TSPAN15: variants seen among roughly 807,000 people sequenced by gnomAD.
TSPAN15 encodes tetraspanin 15.
In TSPAN15, 20 loss-of-function variants were observed where a neutral mutation model predicts 34.5. The observed-to-expected ratio is 0.58, with a 90% confidence interval of 0.41 to 0.84. The LOEUF (loss-of-function observed/expected upper bound fraction) is 0.84, where lower values mean the gene tolerates loss of function less well. Ranked by LOEUF, TSPAN15 falls within the 40% of genes least tolerant of loss-of-function variation. TSPAN15 has a pLI of 0.00. For synonymous variants in TSPAN15, 155 were observed against 153.9 expected (o/e 1.01, Z -0.05); for missense variants, 313 against 386.1 (o/e 0.81, Z 1.59).
intron 1 of TSPAN15, among the ~76,000 whole-genome samples, chr10:69,474,028 T>C (rs1346861597): frequency 6.6e-6 from 1 of 152,196 alleles, no homozygotes; most frequent in African/African-American, 2.4e-5. Flanking sequence ...GCCTTAACAT[T>C]GCCCAAGTTG....
At chr10:69,545,175 C>T in the TSPAN15 span, among the ~76,000 whole-genome samples, 1 of 152,226 alleles carries the variant, frequency 6.6e-6, no homozygotes, top group Admixed American at 6.5e-5. Context: ...CTAGTCCTCA[C>T]TCCCCCTTTA....
At chr10:69,488,410 G>A (rs1841899984) in intron 3 of TSPAN15, among the ~76,000 whole-genome samples, 1 of 152,116 alleles carries the variant, frequency 6.6e-6, no homozygotes, top group African/African-American at 2.4e-5. Flanking sequence ...CTGATCAAGA[G>A]GATTTCTCTG....
chr10:69,509,669 C>T (rs989980036), downstream of TSPAN15, among the ~76,000 whole-genome samples: 4 of 152,082 alleles, frequency 2.6e-5, no homozygotes, highest in Admixed American at 2.6e-4. Context: ...ATGCCTATGT[C>T]CTGAATGGTA....
downstream of TSPAN15, among the ~76,000 whole-genome samples, chr10:69,512,252 C>T (rs1444932904): frequency 6.6e-6 from 1 of 152,166 alleles, no homozygotes; most frequent in South Asian, 2.1e-4. Context: ...TCCTTTCCCA[C>T]ACCATGACAC....
chr10:69,451,875 C>G (rs1452577727), intron 1 of TSPAN15, among the ~76,000 whole-genome samples, 185 bp downstream of exon 1: 1 of 152,236 alleles, frequency 6.6e-6, no homozygotes, highest in Admixed American at 6.5e-5. Flanking sequence ...TTCAGCCGCC[C>G]TTTCGGGAGT....
At chr10:69,524,167 C>T in the TSPAN15 span, among the ~76,000 whole-genome samples, 1,134 of 147,926 alleles carry the variant, frequency 7.7e-3, 87 homozygotes, top group African/African-American at 0.025. Context: ...TTAGTTATAG[C>T]GTATCCATAG....
At position 69,507,547 on chromosome 10, in the gene TSPAN15, T is replaced by G. The variant is rs1314719261; in HGVS notation, c.*569T>G. The G allele has an allele frequency of 7.7e-7, 1 of 1,304,372 alleles. No homozygotes were observed. Among genetic ancestry groups the G allele is most frequent in the South Asian group, 1.2e-5 (1 of 81,030 alleles). 80.8% of individuals were successfully genotyped at this position (1,304,372 alleles called of 1,614,324 possible). On this transcript the variant is annotated 3_prime_UTR_variant, in exon 8 of 8. Transcript: ENST00000373290. Reference sequence around the variant, plus strand: ...GTGATTTTTGTAACATTCATTTTTTTGTACAGATAACAGGAGTTTCTGACT... The same window carrying G: ...GTGATTTTTGTAACATTCATTTTTTGGTACAGATAACAGGAGTTTCTGACT...
At chr10:69,525,986 A>C in the TSPAN15 span, among the ~76,000 whole-genome samples, 1 of 147,480 alleles carries the variant, frequency 6.8e-6, no homozygotes, top group Non-Finnish European at 1.5e-5. Flanking sequence ...TATTGAAATA[A>C]ATAGAAAAGA....
Position 69,485,180 on chromosome 10 carries a change from A to G in TSPAN15, c.322A>G (p.Ile108Val), listed in dbSNP as rs1348583738. 5.0e-6 allele frequency: 8 copies of G among 1,613,846 alleles called. No homozygotes were observed. The South Asian group carries it at 8.8e-5, about 18-fold the overall frequency. Residue 108 changes from isoleucine (I) to valine (V), a missense_variant, in exon 3 of 8, where the codon ATT (isoleucine) becomes GTT (valine). Ile to Val is a conservative substitution (Grantham distance 29). Transcript: ENST00000373290. ...TGGGATCTGCCTCATCATGGAGCTC[A>G]TTGGTGGCGTGGTGGCCTTGACCTT... is the stretch of plus-strand genomic sequence containing the variant. ...ILGICLIMELIGGVVALTFRN... is the reference protein window; with the variant it reads ...ILGICLIMELVGGVVALTFRN...
chr10:69,498,366 G>A lies in TSPAN15; in HGVS notation c.540G>A (p.Gly180=), dbSNP rs1842131926. 6.2e-7 allele frequency: 1 copy of A among 1,613,944 alleles called. No homozygotes were observed. Among genetic ancestry groups the A allele is most frequent in the Non-Finnish European group, 8.5e-7 (1 of 1,179,960 alleles). Residue 180 remains glycine, a synonymous_variant, in exon 5 of 8, where the codon GGG becomes GGA. Coordinates refer to ENST00000373290, the MANE Select transcript of TSPAN15 (RefSeq NM_012339.5). ...DCSAPGPLAC[G]VPYTCCIRNT... Reference sequence around the variant, plus strand: ...GTGCCCCTGGACCCCTGGCCTGTGGGGTGCCCTACACCTGCTGCATCAGGA... The same window carrying A: ...GTGCCCCTGGACCCCTGGCCTGTGGAGTGCCCTACACCTGCTGCATCAGGA...
At chr10:69,492,287 C>T (rs10998835) in intron 3 of TSPAN15, among the ~76,000 whole-genome samples, 56,941 of 151,968 alleles carry the variant, frequency 0.37, 11,379 homozygotes, top group Non-Finnish European at 0.44. Flanking sequence ...CTGTCAACGG[C>T]GGCATAGCAC....
chr10:69,468,401 G>C (rs1841435038), intron 1 of TSPAN15, among the ~76,000 whole-genome samples: 1 of 152,158 alleles, frequency 6.6e-6, no homozygotes, highest in Non-Finnish European at 1.5e-5. Context: ...GCTTGGGGTA[G>C]GCTGGGGTAG....
At chr10:69,531,842 C>A in the TSPAN15 span, among the ~76,000 whole-genome samples, 8 of 151,542 alleles carry the variant, frequency 5.3e-5, no homozygotes, top group Admixed American at 5.3e-4. Flanking sequence ...AACTGGCATA[C>A]AAGGGACTTC....
At chr10:69,511,561 CTCTTA>C (rs989645043), downstream of TSPAN15, among the ~76,000 whole-genome samples, 4 of 152,084 alleles carry the variant, frequency 2.6e-5, no homozygotes, top group African/African-American at 4.8e-5. Flanking sequence ...GTTTTTGTGT[CTCTTA>C]TCTTCTTCAG....
chr10:69,506,151 G>T lies in TSPAN15; in HGVS notation c.646G>T (p.Val216Leu). Residue 216 changes from valine (V) to leucine (L), a missense_variant, in exon 7 of 8, where the codon GTG becomes TTG. Physicochemically the swap from Val to Leu is conservative, Grantham distance 32 (BLOSUM62 1). Coordinates refer to ENST00000373290, the MANE Select transcript of TSPAN15 (RefSeq NM_012339.5). The surrounding 1 kb of genome is among the most constrained non-coding windows in gnomAD (Gnocchi z 4.7). Reference protein sequence around the residue: ...ERFSVQDVIYVRGCTNAVIIW... With the variant: ...ERFSVQDVIYLRGCTNAVIIW... ...TTTCAGTGTGCAGGATGTCATCTACGTGCGGGGCTGCACCAACGCCGTGAT... is the reference window on the plus strand; with the variant it reads ...TTTCAGTGTGCAGGATGTCATCTACTTGCGGGGCTGCACCAACGCCGTGAT... 1 of 1,614,134 alleles carries T rather than the reference G, an allele frequency of 6.2e-7. No homozygotes were observed. The highest frequency in any genetic ancestry group is 1.1e-5 in the South Asian group (1 of 91,076).
the TSPAN15 span, among the ~76,000 whole-genome samples, chr10:69,525,311 A>T: frequency 6.8e-6 from 1 of 147,402 alleles, no homozygotes; most frequent in South Asian, 2.2e-4. Flanking sequence ...TGCATTTAAA[A>T]CTCTTCACTA....
rs1842352153 is a variant in TSPAN15, at chr10:69,507,252, A to G, written c.*274A>G. 5 of 1,368,468 alleles carry G rather than the reference A, an allele frequency of 3.7e-6. No individual in the cohort carries two copies. In the East Asian group the frequency reaches 9.2e-5, roughly 25 times the overall value. The allele number at this position is 1,368,468 out of a possible 1,614,324, so 84.8% of individuals were successfully genotyped here. A position where few individuals can be genotyped will look rare whatever the true frequency, so the allele number is the denominator to read the frequency against. On this transcript the variant is annotated 3_prime_UTR_variant, in exon 8 of 8. Coordinates refer to ENST00000373290, the MANE Select transcript of TSPAN15 (RefSeq NM_012339.5). ...GCCCTCCTTTCTCCAGGCCTGGGCT[A>G]CGGGGGAGGGAGAGCCTGAGGCTCT...
At chr10:69,492,551 T>G (rs1841991207) in intron 3 of TSPAN15, among the ~76,000 whole-genome samples, 1 of 152,170 alleles carries the variant, frequency 6.6e-6, no homozygotes, top group African/African-American at 2.4e-5. Flanking sequence ...AGGGCCCCCC[T>G]TCCCCCAACA....
rs1273502955 is a variant in TSPAN15, at chr10:69,507,618, C to T, written c.*640C>T. 7.7e-7 allele frequency: 1 copy of T among 1,299,772 alleles called. No homozygotes were observed. The highest frequency in any genetic ancestry group is 2.4e-5 in the Admixed American group (1 of 42,528). 80.5% of individuals were successfully genotyped at this position (1,299,772 alleles called of 1,614,324 possible). A position where few individuals can be genotyped will look rare whatever the true frequency, so the allele number is the denominator to read the frequency against. ...CGCATGTCTTATTCTTGCCCTTCCC[C>T]CAACCAGTTTGTTAATCAAACAATA... On this transcript the variant is annotated 3_prime_UTR_variant, in exon 8 of 8. Coordinates refer to ENST00000373290, the MANE Select transcript of TSPAN15 (RefSeq NM_012339.5).
Sources: gnomAD v4.1 joint callset for allele counts (sites outside exome capture counted in the v4.1 genomes callset) on GRCh38, gnomAD v4.1.1 for gene constraint, Gnocchi (gnomAD v3.1) non-coding constraint, MANE v1.5 for transcripts, NCBI Gene and HGNC (gene_info 2026-07-23, HGNC 2026-07-21) for gene names.